Variants in NXPH1 observed in about 807,000 individuals in gnomAD.
NXPH1 encodes the protein neurexophilin 1.
A neutral mutation model predicts 23.7 loss-of-function variants in NXPH1; 5 were observed. The observed-to-expected ratio is 0.21, with a 90% CI of 0.11 to 0.44. The LOEUF (loss-of-function observed/expected upper bound fraction) is 0.44, where lower values mean the gene tolerates loss of function less well. Among genes scored for constraint, NXPH1 ranks in the 20% least tolerant of loss-of-function variants. NXPH1 has a pLI of 0.99. For missense variants in NXPH1, 324 were observed against 321.6 expected, an observed-to-expected ratio of 1.01 and a Z score of -0.06; for synonymous variants, 144 against 122.2, an observed-to-expected ratio of 1.18 and a Z score of -1.18.
At chr7:8,694,411 G>C (rs963166065) in intron 2 of NXPH1, among the ~76,000 whole-genome samples, 2 of 152,158 alleles carry the variant, frequency 1.3e-5, no homozygotes, top group African/African-American at 4.8e-5. Flanking sequence ...GGAACCACAG[G>C]GATGACATTT....
intron 2 of NXPH1, among the ~76,000 whole-genome samples, chr7:8,463,699 C>A (rs916214649): frequency 2.6e-5 from 4 of 152,130 alleles, no homozygotes; most frequent in Non-Finnish European, 5.9e-5. Context: ...GTACCTTTTA[C>A]GTGCCTAAGG....
In NXPH1 at chr7:8,751,801, G is replaced by A. The variant is rs556554313; in HGVS notation, c.*32G>A. 9 of 1,568,310 alleles carry A rather than the reference G, an allele frequency of 5.7e-6. No homozygotes were observed. The highest frequency in any genetic ancestry group is 1.7e-4 in the Middle Eastern group (1 of 5,852). On this transcript the variant is annotated 3_prime_UTR_variant, in exon 3 of 3. Transcript: ENST00000405863. This position sits in a 1 kb window ranked among gnomAD's most constrained non-coding sequence, Gnocchi z 4.5. ...ACATGGGGGTGAGACTGAAGCCTGA[G>A]GAATTAAAGGTCATATGACAGGGCT...
chr7:8,622,008 G>A (rs74361692), intron 2 of NXPH1, among the ~76,000 whole-genome samples: 3,613 of 152,084 alleles, frequency 0.024, 219 homozygotes, highest in East Asian at 0.17. Context: ...AGTTTATAAT[G>A]GTCCTCTGCA....
At chr7:8,688,505 G>T (rs1024701219) in intron 2 of NXPH1, among the ~76,000 whole-genome samples, 1 of 152,124 alleles carries the variant, frequency 6.6e-6, no homozygotes, top group African/African-American at 2.4e-5. Flanking sequence ...TCTTTAGATT[G>T]TGTCTGCCAA....
chr7:8,466,275 G>A (rs897519626), intron 2 of NXPH1, among the ~76,000 whole-genome samples: 3 of 152,106 alleles, frequency 2.0e-5, no homozygotes, highest in African/African-American at 7.2e-5. Context: ...GCAGCTAATG[G>A]AGTTGATATA....
chr7:8,508,365 A>G (rs528215220), intron 2 of NXPH1, among the ~76,000 whole-genome samples: 6 of 152,252 alleles, frequency 3.9e-5, no homozygotes, highest in African/African-American at 1.4e-4. Context: ...TCCATCTGCA[A>G]AATAGAAATA....
intron 2 of NXPH1, among the ~76,000 whole-genome samples, chr7:8,523,423 G>T (rs1563335201): frequency 1.3e-5 from 2 of 152,146 alleles, no homozygotes; most frequent in Non-Finnish European, 2.9e-5. Context: ...ATAACTGAAG[G>T]ATTTGATAAA....
chr7:8,547,803 C>T (rs1818219881), intron 2 of NXPH1, among the ~76,000 whole-genome samples: 1 of 151,484 alleles, frequency 6.6e-6, no homozygotes, highest in South Asian at 2.1e-4. Flanking sequence ...CCTCCACCTC[C>T]ATCCATGTTG....
At chr7:8,589,039 G>A (rs1819036950) in intron 2 of NXPH1, among the ~76,000 whole-genome samples, 1 of 152,038 alleles carries the variant, frequency 6.6e-6, no homozygotes, top group Non-Finnish European at 1.5e-5. Context: ...TATTATCAGT[G>A]GAGGAAAAAG....
intron 2 of NXPH1, among the ~76,000 whole-genome samples, chr7:8,595,742 C>T (rs1436734111): frequency 6.6e-6 from 1 of 151,542 alleles, no homozygotes. Context: ...TGTGCGTGTG[C>T]ATGTGCGCTT....
At chr7:8,585,720 A>G (rs1818965784) in intron 2 of NXPH1, among the ~76,000 whole-genome samples, 1 of 152,246 alleles carries the variant, frequency 6.6e-6, no homozygotes, top group African/African-American at 2.4e-5. Flanking sequence ...TGTGCATCAC[A>G]TATGTTGAAA....
chr7:8,628,264 A>G (rs1024921490), intron 2 of NXPH1, among the ~76,000 whole-genome samples: 3 of 152,136 alleles, frequency 2.0e-5, no homozygotes, highest in African/African-American at 7.2e-5. Context: ...AACATGTTAC[A>G]GAGTTTGATG....
intron 2 of NXPH1, among the ~76,000 whole-genome samples, chr7:8,539,614 G>A (rs932571230): frequency 1.7e-4 from 26 of 151,788 alleles, no homozygotes; most frequent in African/African-American, 5.1e-4. Context: ...ATAAAATACC[G>A]TATTGGATGA....
chr7:8,553,060 C>T (rs746082923), intron 2 of NXPH1, among the ~76,000 whole-genome samples: 6 of 151,460 alleles, frequency 4.0e-5, no homozygotes, highest in Non-Finnish European at 8.9e-5. Context: ...TCCAGTGATC[C>T]CTTTTATAAA....
chr7:8,505,721 A>ATT (rs1467505615), intron 2 of NXPH1, among the ~76,000 whole-genome samples: 1 of 152,104 alleles, frequency 6.6e-6, no homozygotes. Flanking sequence ...ACATTCAATC[A>ATT]TTCAATAAAA....
intron 2 of NXPH1, among the ~76,000 whole-genome samples, chr7:8,622,005 A>G (rs1819886127): frequency 6.6e-6 from 1 of 152,146 alleles, no homozygotes; most frequent in Non-Finnish European, 1.5e-5. Flanking sequence ...GTAAGTTTAT[A>G]ATGGTCCTCT....
intron 2 of NXPH1, among the ~76,000 whole-genome samples, chr7:8,560,724 G>A (rs534712566): frequency 7.3e-5 from 11 of 151,710 alleles, no homozygotes; most frequent in Admixed American, 3.3e-4. Context: ...TAACTTTCCT[G>A]GCAGAGTTGT....
chr7:8,748,292 T>C (rs1780505808), intron 2 of NXPH1, among the ~76,000 whole-genome samples: 1 of 152,116 alleles, frequency 6.6e-6, no homozygotes, highest in African/African-American at 2.4e-5. Flanking sequence ...TTTGGGTACA[T>C]AGGGGAAAGG....
chr7:8,451,139 G>A (rs1276939111), intron 2 of NXPH1, among the ~76,000 whole-genome samples: 1 of 144,838 alleles, frequency 6.9e-6, no homozygotes, highest in Non-Finnish European at 1.5e-5. Context: ...TATCATCTGT[G>A]TTCCTTTTGC....
Sources: gnomAD v4.1 joint callset for allele counts (sites outside exome capture counted in the v4.1 genomes callset) on GRCh38, gnomAD v4.1.1 for gene constraint, Gnocchi (gnomAD v3.1) non-coding constraint, MANE v1.5 for transcripts, NCBI Gene and HGNC (gene_info 2026-07-23, HGNC 2026-07-21) for gene names.